Variants in TTC6 observed in about 807,000 individuals in gnomAD.
TTC6 encodes the protein tetratricopeptide repeat domain 6.
A neutral mutation model predicts 210.4 loss-of-function variants in TTC6; 172 were observed. The ratio of observed to expected loss-of-function variants is 0.82; its 90% CI spans 0.72 to 0.93. The LOEUF (loss-of-function observed/expected upper bound fraction) is 0.93, where lower values mean the gene tolerates loss of function less well. Among genes scored for constraint, TTC6 ranks in the 40% least tolerant of loss-of-function variants. The probability of loss-of-function intolerance (pLI) is 0.00; values close to 1 mark genes in which losing one functional copy is unlikely to be tolerated. For missense variants in TTC6, 2,414 were observed against 2,318.1 expected, an observed-to-expected ratio of 1.04 and a Z score of -0.85; for synonymous variants, 804 against 819.6, an observed-to-expected ratio of 0.98 and a Z score of 0.32.
intron 14 of TTC6, among the ~76,000 whole-genome samples, chr14:37,774,106 A>C (rs1435863613): frequency 6.6e-6 from 1 of 152,076 alleles, no homozygotes; most frequent in Non-Finnish European, 1.5e-5. Flanking sequence ...TTATACATTG[A>C]TTTTGTATCC....
At chr14:37,677,118 G>C (rs146012336) in intron 1 of TTC6, among the ~76,000 whole-genome samples, 5 of 152,038 alleles carry the variant, frequency 3.3e-5, no homozygotes, top group African/African-American at 1.2e-4. Flanking sequence ...TTTTTTGATA[G>C]GGGTTGCAAA....
chr14:37,806,211 C>T (rs2139411542), intron 21 of TTC6, 150 bp from the exon 24 acceptor site: 1 of 759,522 alleles, frequency 1.3e-6, no homozygotes, highest in Non-Finnish European at 2.0e-6. Context: ...TTTGTTTGTT[C>T]CATGAGGTCC....
chr14:37,595,789 G>C (rs1046429209), upstream of TTC6: 3 of 152,242 alleles, frequency 2.0e-5, no homozygotes, highest in African/African-American at 7.2e-5. Context: ...CCTGATTCCT[G>C]ACCCAAAGTT....
chr14:37,604,466 G>A (rs2095621484), intron 1 of TTC6, among the ~76,000 whole-genome samples: 2 of 152,218 alleles, frequency 1.3e-5, no homozygotes, highest in Admixed American at 6.5e-5. Context: ...CCCCCTAGGC[G>A]AGAGAGGGAG....
intron 29 of TTC6, among the ~76,000 whole-genome samples, chr14:37,839,729 A>G (rs536215339): frequency 3.3e-5 from 5 of 152,210 alleles, no homozygotes; most frequent in South Asian, 4.1e-4. Flanking sequence ...GCCCATGCCT[A>G]TGTCCTGTAT....
chr14:37,694,457 G>GCCT (rs2095810552), intron 3 of TTC6, among the ~76,000 whole-genome samples: 1 of 152,128 alleles, frequency 6.6e-6, no homozygotes. Flanking sequence ...GAAAAGGGAA[G>GCCT]CCTCATACAT....
intron 14 of TTC6, among the ~76,000 whole-genome samples, chr14:37,765,129 G>A (rs1248009769): frequency 1.3e-5 from 2 of 151,712 alleles, no homozygotes; most frequent in African/African-American, 4.8e-5. Flanking sequence ...CCAACTTGAT[G>A]TTGTTATTGT....
intron 1 of TTC6, among the ~76,000 whole-genome samples, chr14:37,655,166 A>G (rs992647894): frequency 2.0e-5 from 3 of 152,212 alleles, no homozygotes; most frequent in Non-Finnish European, 4.4e-5. Flanking sequence ...CAAAGACTGG[A>G]AAAGCAAGAA....
chr14:37,678,129 A>C (rs905298748), intron 1 of TTC6, among the ~76,000 whole-genome samples: 1 of 152,052 alleles, frequency 6.6e-6, no homozygotes, highest in African/African-American at 2.4e-5. Flanking sequence ...ACTTCCTTTA[A>C]AGAGTGTTGG....
chr14:37,683,023 T>C (rs956012977), intron 3 of TTC6, 59 bp downstream of exon 5: 2 of 1,479,290 alleles, frequency 1.4e-6, no homozygotes, highest in African/African-American at 2.8e-5. Flanking sequence ...GATGTGCAGG[T>C]GTGAAGAATT....
At chr14:37,789,855 G>A (rs570190574) in intron 15 of TTC6, among the ~76,000 whole-genome samples, 11 of 151,978 alleles carry the variant, frequency 7.2e-5, no homozygotes, top group South Asian at 2.1e-4. Flanking sequence ...ATCCAGTACC[G>A]TGAATATTTT....
chr14:37,727,929 C>T (rs911942326), intron 7 of TTC6, among the ~76,000 whole-genome samples: 1 of 152,162 alleles, frequency 6.6e-6, no homozygotes, highest in African/African-American at 2.4e-5. Context: ...ATCCCAATAT[C>T]TCTCAGTTAA....
At chr14:37,597,781 G>A (rs372876391) in intron 1 of TTC6, among the ~76,000 whole-genome samples, 5 of 152,114 alleles carry the variant, frequency 3.3e-5, no homozygotes, top group African/African-American at 1.2e-4. Flanking sequence ...CGCCTCCGGG[G>A]AGCACCGCCA....
At chr14:37,735,892 A>C (rs1423362276) in intron 7 of TTC6, 29 bp from the exon 10 acceptor site, 1 of 1,369,726 alleles carries the variant, frequency 7.3e-7, no homozygotes, top group Admixed American at 2.1e-5. Context: ...TCCAAAACAT[A>C]ATTTAAAATT....
At chr14:37,784,672 A>C (rs1362304545) in intron 14 of TTC6, among the ~76,000 whole-genome samples, 1 of 152,158 alleles carries the variant, frequency 6.6e-6, no homozygotes, top group Non-Finnish European at 1.5e-5. Context: ...TTATGATGTT[A>C]GCTGGTTATT....
intron 14 of TTC6, among the ~76,000 whole-genome samples, chr14:37,771,508 A>G (rs1272976384): frequency 6.6e-6 from 1 of 151,938 alleles, no homozygotes; most frequent in African/African-American, 2.4e-5. Flanking sequence ...TTTTCTTTTT[A>G]TGCTTTTTTT....
At chr14:37,631,901 A>G (rs761924984) in intron 1 of TTC6, among the ~76,000 whole-genome samples, 5 of 151,962 alleles carry the variant, frequency 3.3e-5, no homozygotes, top group Admixed American at 6.6e-5. Flanking sequence ...CACTTGATCA[A>G]TTTGGGTATT....
Position 37,751,061 on chromosome 14 carries a change from T to G in TTC6, c.2965T>G (p.Leu989Val). 3 of 1,520,928 alleles carry G rather than the reference T, an allele frequency of 2.0e-6. No individual in the cohort carries two copies. In the East Asian group the frequency reaches 7.4e-5, roughly 37 times the overall value. 94.2% of individuals were successfully genotyped at this position (1,520,928 alleles called of 1,614,324 possible). A position where few individuals can be genotyped will look rare whatever the true frequency, so the allele number is the denominator to read the frequency against. ...TTTTTAATTTTCTTTAGAGGCATAT[T>G]TGTCAAAAGCAGAAATTTACAGGGG... Residue 989 changes from leucine to valine, a missense_variant, in exon 13 of 31, where the codon TTG becomes GTG. By Grantham distance (32) the Leu-to-Val change is conservative (BLOSUM62 1). Transcript: ENST00000553443.
chr14:37,725,185 G>A (rs1364014249), intron 7 of TTC6, among the ~76,000 whole-genome samples, 183 bp downstream of exon 9: 2 of 148,488 alleles, frequency 1.3e-5, no homozygotes, highest in South Asian at 2.1e-4. Context: ...TTGTATGTAT[G>A]TATACAAATA....
Sources: gnomAD v4.1 joint callset for allele counts (sites outside exome capture counted in the v4.1 genomes callset) on GRCh38, gnomAD v4.1.1 for gene constraint, MANE v1.5 for transcripts, NCBI Gene and HGNC (gene_info 2026-07-23, HGNC 2026-07-21) for gene names.